The following NEDD4L variants were observed in gnomAD, a reference collection of about 807,000 sequenced individuals.
NEDD4L encodes the protein E3 ubiquitin-protein ligase NEDD4-like.
Under a neutral mutation model 148.9 loss-of-function variants are expected in NEDD4L, and 54 were observed. That is an observed-to-expected ratio of 0.36 (90% CI 0.29 to 0.45). The LOEUF (loss-of-function observed/expected upper bound fraction) is 0.45. Among genes scored for constraint, NEDD4L ranks in the 20% least tolerant of loss-of-function variants. The pLI is 1.00. For synonymous variants in NEDD4L, 433 were observed against 440.7 expected (o/e 0.98, Z 0.22); for missense variants, 856 against 1,233.8 (o/e 0.69, Z 4.59).
At chr18:58,050,201 C>T (rs1051412900) in intron 1 of NEDD4L, among the ~76,000 whole-genome samples, 2 of 152,060 alleles carry the variant, frequency 1.3e-5, no homozygotes, top group African/African-American at 4.8e-5. Context: ...CATCTGTAAT[C>T]CCAGCACGTT....
In NEDD4L at chr18:58,316,041, A is replaced by G. The variant is rs543228992; in HGVS notation, c.348+9A>G. 23 of 1,610,640 alleles carry G rather than the reference A, an allele frequency of 1.4e-5. No individual in the cohort carries two copies. In the Admixed American group the frequency reaches 3.8e-4, roughly 27 times the overall value. On this transcript the variant is annotated intron_variant, in intron 6 of 30. Transcript: ENST00000400345. ...CCCTTAGTCACCTTCCGGTAAGGAC[A>G]GTCTCATGTTTGATGCTTCGTGCTG...
chr18:58,069,491 T>A (rs11659751), intron 1 of NEDD4L, among the ~76,000 whole-genome samples: 11,602 of 152,294 alleles, frequency 0.076, 582 homozygotes, highest in Non-Finnish European at 0.12. Flanking sequence ...GGGATTCCCC[T>A]GGAAGAAAGT....
At chr18:58,235,124 A>G (rs2045851360) in intron 2 of NEDD4L, among the ~76,000 whole-genome samples, 1 of 151,850 alleles carries the variant, frequency 6.6e-6, no homozygotes, top group Admixed American at 6.6e-5. Flanking sequence ...CTTGGCTCAT[A>G]TAAACACTCA....
At chr18:58,172,494 A>C (rs887644574) in intron 2 of NEDD4L, among the ~76,000 whole-genome samples, 1 of 152,234 alleles carries the variant, frequency 6.6e-6, no homozygotes, top group Non-Finnish European at 1.5e-5. Flanking sequence ...AACTGTTTAC[A>C]TGGGAGCTCG....
intron 1 of NEDD4L, among the ~76,000 whole-genome samples, chr18:58,075,994 G>A (rs372035717): frequency 6.6e-6 from 1 of 152,132 alleles, no homozygotes; most frequent in Non-Finnish European, 1.5e-5. Context: ...CAAAGTGATC[G>A]TTAGGTTGGC....
At chr18:58,260,454 G>A (rs1265484338) in intron 5 of NEDD4L, among the ~76,000 whole-genome samples, 1 of 152,196 alleles carries the variant, frequency 6.6e-6, no homozygotes. Context: ...TGTTTCTGTA[G>A]CACTTCACAA....
chr18:58,253,972 A>G (rs2048209412), intron 5 of NEDD4L, among the ~76,000 whole-genome samples: 2 of 151,674 alleles, frequency 1.3e-5, no homozygotes, highest in Non-Finnish European at 2.9e-5. Context: ...GTTACTATGC[A>G]AAGAATGCTG....
At position 58,348,897 on chromosome 18, in the gene NEDD4L, G is replaced by A. The variant is rs533214118; in HGVS notation, c.1576-640G>A. ...GCTTTAAGAAAAAAATTTTGTAAAC[G>A]TTTAAATATTAAGACATAAATGAGA... On this transcript the variant is annotated intron_variant, in intron 16 of 30. Transcript: ENST00000400345. Among the ~76,000 whole-genome samples, 9 of 152,040 alleles carry A rather than the reference G, an allele frequency of 5.9e-5. No individual in the cohort carries two copies. The South Asian group carries it at 1.3e-3, about 21-fold the overall frequency.
intron 1 of NEDD4L, among the ~76,000 whole-genome samples, chr18:58,061,109 TAGAA>T (rs200104914): frequency 0.011 from 1,661 of 152,210 alleles, 26 homozygotes; most frequent in African/African-American, 0.037. Context: ...CTCTGACATC[TAGAA>T]GGTGGAGGCC....
intron 2 of NEDD4L, among the ~76,000 whole-genome samples, chr18:58,241,927 T>C (rs931538477): frequency 2.0e-5 from 3 of 152,016 alleles, no homozygotes; most frequent in Non-Finnish European, 4.4e-5. Context: ...TGTTCTTGCG[T>C]AGCATTGAGC....
intron 1 of NEDD4L, among the ~76,000 whole-genome samples, chr18:58,157,155 T>G (rs938883165): frequency 7.2e-6 from 1 of 139,000 alleles, no homozygotes; most frequent in Non-Finnish European, 1.5e-5. Context: ...TCCAGTGCAC[T>G]CCAGCCGGGG....
At chr18:58,312,634 A>C (rs1308481532) in intron 5 of NEDD4L, among the ~76,000 whole-genome samples, 1 of 152,102 alleles carries the variant, frequency 6.6e-6, no homozygotes, top group African/African-American at 2.4e-5. Flanking sequence ...AGGTTCTCTG[A>C]TCCCCTGTTA....
At chr18:58,211,337 C>A (rs1286299197) in intron 2 of NEDD4L, among the ~76,000 whole-genome samples, 1 of 152,066 alleles carries the variant, frequency 6.6e-6, no homozygotes, top group Non-Finnish European at 1.5e-5. Flanking sequence ...AAACAATTGT[C>A]AAGGAAGCTG....
chr18:58,319,776 G>T (rs2058613777), intron 6 of NEDD4L, among the ~76,000 whole-genome samples: 1 of 152,150 alleles, frequency 6.6e-6, no homozygotes, highest in South Asian at 2.1e-4. Flanking sequence ...TGCCCTACCT[G>T]TTACTGCTTG....
At chr18:58,112,785 TG>T (rs536612645) in intron 1 of NEDD4L, among the ~76,000 whole-genome samples, 123 of 152,338 alleles carry the variant, frequency 8.1e-4, no homozygotes, top group African/African-American at 2.8e-3. Context: ...CCACCATGCC[TG>T]GCCCATTATA....
intron 2 of NEDD4L, among the ~76,000 whole-genome samples, chr18:58,181,809 G>C (rs769365623): frequency 8.5e-5 from 13 of 152,226 alleles, no homozygotes; most frequent in Non-Finnish European, 1.9e-4. Context: ...TTTGGCTTTG[G>C]AATAAAAAGA....
chr18:58,369,051 C>T (rs916387937), intron 22 of NEDD4L, among the ~76,000 whole-genome samples: 10 of 152,002 alleles, frequency 6.6e-5, no homozygotes, highest in South Asian at 2.1e-4. Flanking sequence ...TATATTTTAG[C>T]GGGGGGAAAA....
At chr18:58,242,735 G>T (rs1432272994) in intron 2 of NEDD4L, among the ~76,000 whole-genome samples, 3 of 151,990 alleles carry the variant, frequency 2.0e-5, no homozygotes. Flanking sequence ...TGAACCCCCG[G>T]GCTCAAGCGA....
intron 1 of NEDD4L, among the ~76,000 whole-genome samples, chr18:58,082,825 A>G (rs554958059): frequency 6.6e-6 from 1 of 151,818 alleles, no homozygotes; most frequent in Admixed American, 6.5e-5. Flanking sequence ...AATATTGTAC[A>G]TGATTGCAAA....
Sources: allele counts gnomAD v4.1 joint callset (sites outside exome capture counted in the v4.1 genomes callset), GRCh38; gene constraint gnomAD v4.1.1; transcripts MANE v1.5; gene names NCBI Gene and HGNC (gene_info 2026-07-23, HGNC 2026-07-21).